PLGRKT: variants seen among roughly 807,000 people sequenced by gnomAD.
PLGRKT encodes plasminogen receptor (KT).
A neutral mutation model predicts 18.5 loss-of-function variants in PLGRKT; 22 were observed. That is an observed-to-expected ratio of 1.19 (90% CI 0.85 to 1.70). The LOEUF is 1.70. Ranked by LOEUF, PLGRKT falls within the 40% of genes most tolerant of loss-of-function variation. The pLI is 0.00. For missense variants in PLGRKT, 235 were observed against 174.4 expected, an observed-to-expected ratio of 1.35 and a Z score of -1.96; for synonymous variants, 72 against 52.8, an observed-to-expected ratio of 1.36 and a Z score of -1.58.
chr9:5,436,187 C>G (rs1818955749), intron 2 of PLGRKT, among the ~76,000 whole-genome samples: 1 of 152,228 alleles, frequency 6.6e-6, no homozygotes, highest in Admixed American at 6.5e-5. Context: ...TGCGACTCAT[C>G]TCTAACAGCA....
At chr9:5,420,466 GGGGAGACTACGGCA>G (rs1326328682) in intron 3 of PLGRKT, among the ~76,000 whole-genome samples, 3 of 152,132 alleles carry the variant, frequency 2.0e-5, no homozygotes, top group African/African-American at 7.2e-5. Context: ...TGAGGAACAT[GGGGAGACTACGGCA>G]GGTAGTGGGG....
rs1456514368 is a variant in PLGRKT, at chr9:5,396,772, G to A, written c.82-34884C>T. Among the ~76,000 whole-genome samples, 6 of 152,022 alleles carry A rather than the reference G, an allele frequency of 3.9e-5. No homozygotes were observed. In the East Asian group the frequency reaches 7.7e-4, roughly 20 times the overall value. On this transcript the variant is annotated intron_variant, in intron 3 of 5. Coordinates refer to ENST00000223864, the MANE Select transcript of PLGRKT (RefSeq NM_018465.4). The stretch of plus-strand genomic sequence containing the variant: ...CTAGCTAGTCTGTGCTGGAAGACTG[G>A]GTAGAAATGATGCATTTTATCATTA...
At chr9:5,406,539 T>C (rs757604860) in intron 3 of PLGRKT, among the ~76,000 whole-genome samples, 8 of 143,250 alleles carry the variant, frequency 5.6e-5, no homozygotes, top group Admixed American at 2.2e-4. Context: ...TGTTCTCTTA[T>C]AAGTGGGAGG....
At chr9:5,393,244 C>T (rs935740361) in intron 3 of PLGRKT, among the ~76,000 whole-genome samples, 5 of 151,972 alleles carry the variant, frequency 3.3e-5, no homozygotes, top group African/African-American at 1.2e-4. Flanking sequence ...GATAAACATC[C>T]TTTTTTGTTC....
chr9:5,378,689 G>A lies in PLGRKT; in HGVS notation c.82-16801C>T, dbSNP rs189884365. Among the ~76,000 whole-genome samples, 242 of 152,176 alleles carry A rather than the reference G, an allele frequency of 1.6e-3. 1 individual carries two copies. Among genetic ancestry groups the A allele is most frequent in the African/African-American group, 5.4e-3 (223 of 41,520 alleles). ...TATAATTAATGAAGAAGATAGAAGAGTTAAGAATTTTTTATAAATCAGACA... is the reference window on the plus strand; with the variant it reads ...TATAATTAATGAAGAAGATAGAAGAATTAAGAATTTTTTATAAATCAGACA... On this transcript the variant is annotated intron_variant, in intron 3 of 5. Coordinates refer to ENST00000223864, the MANE Select transcript of PLGRKT (RefSeq NM_018465.4).
intron 3 of PLGRKT, among the ~76,000 whole-genome samples, chr9:5,391,000 C>G (rs1563776359): frequency 6.6e-6 from 1 of 151,810 alleles, no homozygotes; most frequent in Non-Finnish European, 1.5e-5. Context: ...ACTATTCGGT[C>G]TCTCCACCCT....
rs928448817 is a variant in PLGRKT, at chr9:5,398,710, A to G, written c.81+33187T>C. 1.6e-4 allele frequency among the ~76,000 whole-genome samples: 24 copies of G among 151,878 alleles called. 1 individual carries two copies. The highest frequency in any genetic ancestry group is 5.3e-4 in the African/African-American group (22 of 41,140). Reference sequence around the variant, plus strand: ...TCTGAGATACCTCATTTTACATCATAAAGCTTTGAGGAAATTATATCATGT... The same window carrying G: ...TCTGAGATACCTCATTTTACATCATGAAGCTTTGAGGAAATTATATCATGT... On this transcript the variant is annotated intron_variant, in intron 3 of 5. Coordinates refer to ENST00000223864, the MANE Select transcript of PLGRKT (RefSeq NM_018465.4).
At chr9:5,366,394 T>C (rs1817387371) in intron 3 of PLGRKT, among the ~76,000 whole-genome samples, 1 of 152,192 alleles carries the variant, frequency 6.6e-6, no homozygotes, top group African/African-American at 2.4e-5. Context: ...GTAGACCTTT[T>C]ATAATAATAA....
intron 3 of PLGRKT, among the ~76,000 whole-genome samples, chr9:5,402,902 G>A (rs1818182431): frequency 6.6e-6 from 1 of 151,926 alleles, no homozygotes; most frequent in Admixed American, 6.6e-5. Context: ...TATTGAAACA[G>A]AAGGCAAATG....
intron 3 of PLGRKT, among the ~76,000 whole-genome samples, chr9:5,427,298 C>A (rs1334559239): frequency 1.3e-5 from 2 of 152,018 alleles, no homozygotes; most frequent in African/African-American, 2.4e-5. Flanking sequence ...GTGCAGGTAA[C>A]CCTTGTTTTA....
chr9:5,434,679 C>T lies in PLGRKT; in HGVS notation c.-7+1890G>A, dbSNP rs192412599. On this transcript the variant is annotated intron_variant, in intron 2 of 5. Transcript: ENST00000223864. The stretch of plus-strand genomic sequence containing the variant: ...GAGCACCGCTGCCCGGCCGCCACCC[C>T]GTCTGGGAAGTGAGGTGTGCCTCTG... Among the ~76,000 whole-genome samples the T allele has an allele frequency of 4.0e-3, 603 of 150,568 alleles. 5 individuals carry two copies. The highest frequency in any genetic ancestry group is 0.014 in the African/African-American group (563 of 40,892).
At chr9:5,433,404 C>T (rs10975114) in intron 2 of PLGRKT, among the ~76,000 whole-genome samples, 86,704 of 144,860 alleles carry the variant, frequency 0.6, 26,314 homozygotes, top group Non-Finnish European at 0.67. Context: ...ATGTGAGGAG[C>T]GCCTCTGCCT....
At chr9:5,379,689 T>G (rs1817699914) in intron 3 of PLGRKT, among the ~76,000 whole-genome samples, 1 of 152,226 alleles carries the variant, frequency 6.6e-6, no homozygotes, top group Admixed American at 6.5e-5. Flanking sequence ...AATGTTGAAC[T>G]TCATTTGTAG....
At chr9:5,364,013 G>A (rs1817326841) in intron 3 of PLGRKT, among the ~76,000 whole-genome samples, 1 of 152,192 alleles carries the variant, frequency 6.6e-6, no homozygotes, top group African/African-American at 2.4e-5. Context: ...CCAAAGTGAT[G>A]TAAATACAGC....
intron 3 of PLGRKT, among the ~76,000 whole-genome samples, chr9:5,414,638 T>G (rs1250696497): frequency 6.6e-6 from 1 of 152,168 alleles, no homozygotes; most frequent in African/African-American, 2.4e-5. Flanking sequence ...GAAACTAACC[T>G]TACTAACTTA....
intron 3 of PLGRKT, among the ~76,000 whole-genome samples, chr9:5,368,607 G>T (rs1481598021): frequency 6.6e-6 from 1 of 152,134 alleles, no homozygotes; most frequent in East Asian, 1.9e-4. Flanking sequence ...AGGGAAGCAA[G>T]TGATGAAAAA....
At chr9:5,381,765 A>G (rs963706023) in intron 3 of PLGRKT, 1 of 433,126 alleles carries the variant, frequency 2.3e-6, no homozygotes, top group East Asian at 1.6e-4. Context: ...GTGTAGTAGG[A>G]TTTTATTGTT....
chr9:5,393,041 C>A (rs1467198293), intron 3 of PLGRKT, among the ~76,000 whole-genome samples: 1 of 151,608 alleles, frequency 6.6e-6, no homozygotes, highest in Non-Finnish European at 1.5e-5. Flanking sequence ...AGGATTTCAC[C>A]ATGTTGGCCA....
intron 3 of PLGRKT, among the ~76,000 whole-genome samples, chr9:5,403,553 T>C (rs1368149700): frequency 3.3e-5 from 5 of 152,218 alleles, no homozygotes; most frequent in Non-Finnish European, 5.9e-5. Flanking sequence ...GGTGTACATT[T>C]TGAAGTGATT....
Sources: allele counts gnomAD v4.1 joint callset (sites outside exome capture counted in the v4.1 genomes callset), GRCh38; gene constraint gnomAD v4.1.1; transcripts MANE v1.5; gene names NCBI Gene and HGNC (gene_info 2026-07-23, HGNC 2026-07-21).